WDR72: variants seen among roughly 807,000 people sequenced by gnomAD.
The protein encoded by WDR72 is WD repeat-containing protein 72.
In WDR72, 120 loss-of-function variants were observed where a neutral mutation model predicts 124.2. The observed-to-expected ratio is 0.97, with a 90% CI of 0.83 to 1.12. The LOEUF (loss-of-function observed/expected upper bound fraction) is 1.12, where lower values mean the gene tolerates loss of function less well. WDR72 is among the 50% of genes most tolerant of loss of function. The pLI, the probability that WDR72 is intolerant of heterozygous loss-of-function variation, is 0.00. For synonymous variants in WDR72, 452 were observed against 441.7 expected, an observed-to-expected ratio of 1.02 and a Z score of -0.29; for missense variants, 1,387 against 1,278.8, an observed-to-expected ratio of 1.08 and a Z score of -1.29.
upstream of WDR72, among the ~76,000 whole-genome samples, chr15:53,761,280 C>G (rs552059138): frequency 6.6e-6 from 1 of 152,108 alleles, no homozygotes; most frequent in East Asian, 1.9e-4. Flanking sequence ...TCATCTTACC[C>G]AAATTCAAAC....
At chr15:53,745,738 T>G (rs1341102336) in intron 1 of WDR72, among the ~76,000 whole-genome samples, 2 of 152,166 alleles carry the variant, frequency 1.3e-5, no homozygotes, top group Non-Finnish European at 2.9e-5. Flanking sequence ...CTCTGGTATC[T>G]CTAAGCTGAA....
At chr15:53,680,943 A>G (rs1490069812) in intron 13 of WDR72, among the ~76,000 whole-genome samples, 1 of 152,222 alleles carries the variant, frequency 6.6e-6, no homozygotes, top group Non-Finnish European at 1.5e-5. Flanking sequence ...TATTTGCAGC[A>G]CAGAAGATAA....
intron 19 of WDR72, 84 bp downstream of exon 19, chr15:53,523,134 C>A: frequency 8.3e-7 from 1 of 1,208,722 alleles, no homozygotes. Context: ...ATTACAATGT[C>A]CTCTCCCCTC....
intron 18 of WDR72, among the ~76,000 whole-genome samples, chr15:53,579,564 A>G (rs1399692905): frequency 6.6e-6 from 1 of 152,088 alleles, no homozygotes; most frequent in Non-Finnish European, 1.5e-5. Flanking sequence ...AAGACCACCA[A>G]GCCATTTTCA....
intron 18 of WDR72, among the ~76,000 whole-genome samples, chr15:53,595,757 G>A (rs1203596636): frequency 1.3e-5 from 2 of 152,070 alleles, no homozygotes; most frequent in Non-Finnish European, 2.9e-5. Context: ...TCTGCTTCTT[G>A]CTTAAAATAT....
intron 13 of WDR72, among the ~76,000 whole-genome samples, chr15:53,681,853 C>A (rs1314525975): frequency 1.3e-5 from 2 of 151,510 alleles, no homozygotes; most frequent in Admixed American, 6.6e-5. Context: ...ACACACACAT[C>A]CACAAATACC....
intron 14 of WDR72, among the ~76,000 whole-genome samples, chr15:53,617,082 A>G (rs1260327739): frequency 6.6e-6 from 1 of 151,986 alleles, no homozygotes. Context: ...AATAATTAGC[A>G]AATTTATACA....
At chr15:53,522,107 T>A (rs1255507969) in intron 19 of WDR72, among the ~76,000 whole-genome samples, 2 of 152,038 alleles carry the variant, frequency 1.3e-5, no homozygotes, top group African/African-American at 4.8e-5. Context: ...TGAAGAGGAC[T>A]GATATACAAT....
At chr15:53,762,240 G>T (rs147661308), upstream of WDR72, among the ~76,000 whole-genome samples, 4 of 152,234 alleles carry the variant, frequency 2.6e-5, no homozygotes, top group African/African-American at 7.2e-5. Context: ...GGGTCTTCCT[G>T]CATGCAGTGT....
chr15:53,625,657 T>C (rs947129315), intron 14 of WDR72, among the ~76,000 whole-genome samples: 22 of 152,180 alleles, frequency 1.4e-4, no homozygotes, highest in Admixed American at 6.5e-5. Context: ...GAATCCCAGA[T>C]GGCTGGCAGG....
intron 18 of WDR72, among the ~76,000 whole-genome samples, chr15:53,577,156 C>A (rs1302822189): frequency 6.6e-6 from 1 of 152,144 alleles, no homozygotes; most frequent in African/African-American, 2.4e-5. Context: ...TGGTCAGTAC[C>A]TGCCTCACAA....
At chr15:53,742,188 C>G (rs368922508) in intron 1 of WDR72, among the ~76,000 whole-genome samples, 8 of 152,162 alleles carry the variant, frequency 5.3e-5, no homozygotes, top group African/African-American at 1.7e-4. Context: ...AAAAGTAACC[C>G]CAGAAACGTA....
At chr15:53,604,873 C>G (rs2013206596) in intron 17 of WDR72, among the ~76,000 whole-genome samples, 1 of 152,084 alleles carries the variant, frequency 6.6e-6, no homozygotes. Flanking sequence ...AAAAGGAACG[C>G]TTATACATTG....
At chr15:53,592,147 A>T (rs1668602024) in intron 18 of WDR72, among the ~76,000 whole-genome samples, 1 of 151,938 alleles carries the variant, frequency 6.6e-6, no homozygotes, top group Non-Finnish European at 1.5e-5. Context: ...CCCACACCAC[A>T]CTAGAGAGAA....
At chr15:53,615,405 A>G (rs1311689223) in intron 15 of WDR72, 21 bp downstream of exon 15, 3 of 1,568,288 alleles carry the variant, frequency 1.9e-6, no homozygotes, top group Non-Finnish European at 2.6e-6. Context: ...AGTATAGTCA[A>G]AATCTCTAGG....
At chr15:53,621,458 T>TATATATATATATATATATATA (rs397944441) in intron 14 of WDR72, among the ~76,000 whole-genome samples, 12 of 144,992 alleles carry the variant, frequency 8.3e-5, no homozygotes, top group African/African-American at 3.1e-4. Flanking sequence ...TATATATATA[T>TATATATATATATATATATATA]GATAGAGTAC....
chr15:53,575,589 A>G (rs1376254193), intron 18 of WDR72, among the ~76,000 whole-genome samples: 1 of 152,078 alleles, frequency 6.6e-6, no homozygotes, highest in East Asian at 1.9e-4. Context: ...TTAGGCATAC[A>G]GGTCATATAT....
intron 13 of WDR72, among the ~76,000 whole-genome samples, chr15:53,689,351 A>G (rs1485379805): frequency 6.7e-6 from 1 of 149,716 alleles, no homozygotes; most frequent in Non-Finnish European, 1.5e-5. Context: ...TCTACAACGA[A>G]CTCAAACAAA....
At position 53,694,159 on chromosome 15, in the gene WDR72, AG is replaced by A. The variant is rs571102694; in HGVS notation, c.1765+5590del. Among the ~76,000 whole-genome samples the A allele has an allele frequency of 1.1e-4, 17 of 152,342 alleles. No individual in the cohort carries two copies. The South Asian group carries it at 3.3e-3, about 30-fold the overall frequency. Reference sequence around the variant, plus strand: ...GCAGTACCTGGGAAGAAGCCAGCCCAGTTCTCCAACAGGAGTCACGGGATGT... The same window carrying A: ...GCAGTACCTGGGAAGAAGCCAGCCCATTCTCCAACAGGAGTCACGGGATGT... On this transcript the variant is annotated intron_variant, in intron 13 of 19. Coordinates refer to ENST00000360509, the MANE Select transcript of WDR72 (RefSeq NM_182758.4).
Sources: gnomAD v4.1 joint callset for allele counts (sites outside exome capture counted in the v4.1 genomes callset) on GRCh38, gnomAD v4.1.1 for gene constraint, MANE v1.5 for transcripts, NCBI Gene and HGNC (gene_info 2026-07-23, HGNC 2026-07-21) for gene names.